Variants in ROCK1 observed in about 807,000 individuals in gnomAD.
The protein encoded by ROCK1 is Rho associated coiled-coil containing protein kinase 1, also known as rho-associated protein kinase 1.
Under a neutral mutation model 196.8 loss-of-function variants are expected in ROCK1, and 36 were observed. That is an observed-to-expected ratio of 0.18 (90% CI 0.14 to 0.24). The LOEUF is 0.24. ROCK1 is among the 10% of genes least tolerant of loss of function. The pLI, the probability that ROCK1 is intolerant of heterozygous loss-of-function variation, is 1.00. For synonymous variants in ROCK1, 443 were observed against 515.9 expected (o/e 0.86, Z 1.91); for missense variants, 920 against 1,562.0 (o/e 0.59, Z 6.93).
At chr18:21,014,637 G>C (rs570468976) in intron 13 of ROCK1, among the ~76,000 whole-genome samples, 1 of 152,112 alleles carries the variant, frequency 6.6e-6, no homozygotes, top group Non-Finnish European at 1.5e-5. Context: ...TACTGCTAAG[G>C]TTAAGTACAA....
intron 1 of ROCK1, among the ~76,000 whole-genome samples, chr18:21,102,130 A>T (rs1489001525): frequency 6.6e-6 from 1 of 152,206 alleles, no homozygotes; most frequent in Non-Finnish European, 1.5e-5. Flanking sequence ...ACAGTTTTCA[A>T]ACTTGAGTGT....
At chr18:20,971,581 C>CA (rs2035428763) in intron 22 of ROCK1, among the ~76,000 whole-genome samples, 2 of 151,206 alleles carry the variant, frequency 1.3e-5, no homozygotes, top group Admixed American at 6.6e-5. Flanking sequence ...ACTAAAAATA[C>CA]AAAAAATTAG....
At chr18:21,066,055 T>A (rs1325967438) in intron 2 of ROCK1, among the ~76,000 whole-genome samples, 4 of 152,130 alleles carry the variant, frequency 2.6e-5, no homozygotes, top group Non-Finnish European at 1.5e-5. Context: ...CAAAAAGCAA[T>A]TAGAAACAAA....
rs75721276 is a variant in ROCK1 at position 20,958,832 on chromosome 18, A to T, written c.3512+1008T>A. On this transcript the variant is annotated intron_variant, in intron 29 of 32. Transcript: ENST00000399799. ...AAACAGTTGTTATACTGTATTTTTT[A>T]AAGAAATTTCTATTATTAATAGTTA... Among the ~76,000 whole-genome samples, 1,159 of 138,478 alleles carry T rather than the reference A, an allele frequency of 8.4e-3. 17 individuals are homozygous for T. Among genetic ancestry groups the T allele is most frequent in the African/African-American group, 0.029 (1,092 of 37,662 alleles). 90.8% of individuals were successfully genotyped at this position (138,478 alleles called of 152,430 possible).
chr18:20,988,806 T>C (rs1023745645), intron 18 of ROCK1, among the ~76,000 whole-genome samples: 2 of 152,198 alleles, frequency 1.3e-5, no homozygotes, highest in Non-Finnish European at 2.9e-5. Context: ...TGTATTTTCA[T>C]TTATGTATTA....
At chr18:21,019,714 C>G (rs921819448) in intron 12 of ROCK1, among the ~76,000 whole-genome samples, 1 of 151,098 alleles carries the variant, frequency 6.6e-6, no homozygotes, top group Non-Finnish European at 1.5e-5. Context: ...AGGAGAATGG[C>G]GTGAACCCGG....
At chr18:21,022,818 C>A (rs1460983584) in intron 11 of ROCK1, among the ~76,000 whole-genome samples, 1 of 151,982 alleles carries the variant, frequency 6.6e-6, no homozygotes, top group Admixed American at 6.6e-5. Flanking sequence ...TCATTAAACT[C>A]TTGATTTAAT....
chr18:21,005,930 C>T (rs925524066), intron 16 of ROCK1, among the ~76,000 whole-genome samples: 13 of 152,052 alleles, frequency 8.5e-5, no homozygotes, highest in Admixed American at 4.6e-4. Context: ...TCACCAAAGT[C>T]ATTTTCTTTA....
At chr18:20,975,132 C>T (rs1421763014) in intron 22 of ROCK1, among the ~76,000 whole-genome samples, 1 of 152,092 alleles carries the variant, frequency 6.6e-6, no homozygotes, top group Non-Finnish European at 1.5e-5. Context: ...ATAAATACAA[C>T]AGGTAAGAAA....
At chr18:20,959,157 TTA>T (rs1335812455) in intron 29 of ROCK1, among the ~76,000 whole-genome samples, 1 of 69,434 alleles carries the variant, frequency 1.4e-5, no homozygotes, top group Admixed American at 2.6e-4. Context: ...AATATATATA[TTA>T]TATATTATAT....
chr18:21,103,527 T>G (rs114614160), intron 1 of ROCK1, among the ~76,000 whole-genome samples: 1 of 152,008 alleles, frequency 6.6e-6, no homozygotes, highest in Admixed American at 6.6e-5. Context: ...GGCACCAACA[T>G]GGCTCACTGC....
chr18:20,982,617 C>T (rs1246623060), intron 21 of ROCK1, 146 bp downstream of exon 21: 1 of 514,830 alleles, frequency 1.9e-6, no homozygotes, highest in Non-Finnish European at 3.5e-6. Flanking sequence ...AACAAATGGA[C>T]AAACAAAAAG....
At chr18:21,038,284 T>A (rs1165779623) in intron 9 of ROCK1, among the ~76,000 whole-genome samples, 2 of 152,138 alleles carry the variant, frequency 1.3e-5, no homozygotes, top group East Asian at 3.9e-4. Context: ...CCTTATTTCC[T>A]AGTATATAAT....
At chr18:20,976,938 A>G (rs2035486133) in intron 22 of ROCK1, among the ~76,000 whole-genome samples, 1 of 152,178 alleles carries the variant, frequency 6.6e-6, no homozygotes, top group Non-Finnish European at 1.5e-5. Context: ...CCTGAAAATT[A>G]TCCTAACCTT....
At chr18:21,005,279 T>C (rs1220647989) in intron 16 of ROCK1, among the ~76,000 whole-genome samples, 1 of 152,206 alleles carries the variant, frequency 6.6e-6, no homozygotes, top group East Asian at 1.9e-4. Flanking sequence ...ACTGTCAATA[T>C]CTCCAGTTCA....
In ROCK1 at chr18:20,949,483, T is replaced by A. The variant is rs1016961001; in HGVS notation, c.*1901A>T. On this transcript the variant is annotated 3_prime_UTR_variant, in exon 33 of 33. Coordinates refer to ENST00000399799, the MANE Select transcript of ROCK1 (RefSeq NM_005406.3). ...GTGCTGAGCACACAGTGGGTTTGCA[T>A]CATAGGTGGGAGACGTTATCTTTAT... The A allele has an allele frequency of 2.6e-5, 4 of 152,312 alleles. No homozygotes were observed. Among genetic ancestry groups the A allele is most frequent in the Non-Finnish European group, 5.9e-5 (4 of 68,074 alleles). The allele number at this position is 152,312 out of a possible 1,614,324, so 9.4% of individuals were successfully genotyped here.
At chr18:21,078,003 C>CT (rs1369672635) in intron 1 of ROCK1, among the ~76,000 whole-genome samples, 1 of 152,182 alleles carries the variant, frequency 6.6e-6, no homozygotes, top group Non-Finnish European at 1.5e-5. Flanking sequence ...AACAAATGGA[C>CT]TGCAGTCATT....
intron 22 of ROCK1, among the ~76,000 whole-genome samples, chr18:20,974,290 A>G (rs2035458853): frequency 6.6e-6 from 1 of 152,196 alleles, no homozygotes; most frequent in Non-Finnish European, 1.5e-5. Context: ...TTCTTAGGAG[A>G]GTAGTAGAGT....
At chr18:20,995,814 A>G (rs2035665840) in intron 16 of ROCK1, among the ~76,000 whole-genome samples, 1 of 152,192 alleles carries the variant, frequency 6.6e-6, no homozygotes, top group Non-Finnish European at 1.5e-5. Context: ...TTCCTCTAAG[A>G]GTCTGCAAGA....
Sources: allele counts gnomAD v4.1 joint callset (sites outside exome capture counted in the v4.1 genomes callset), GRCh38; gene constraint gnomAD v4.1.1; transcripts MANE v1.5; gene names NCBI Gene and HGNC (gene_info 2026-07-23, HGNC 2026-07-21).